The following PTPN22 variants were observed in gnomAD, a reference collection of about 807,000 sequenced individuals.
PTPN22 encodes protein tyrosine phosphatase non-receptor type 22, also known as tyrosine-protein phosphatase non-receptor type 22.
In PTPN22, 85 loss-of-function variants were observed where a neutral mutation model predicts 103.3. The observed-to-expected ratio is 0.82, with a 90% CI of 0.69 to 0.99. The LOEUF (loss-of-function observed/expected upper bound fraction) is 0.99, where lower values mean the gene tolerates loss of function less well. Ranked by LOEUF, PTPN22 falls within the 50% of genes least tolerant of loss-of-function variation. The pLI is 0.00. For synonymous variants in PTPN22, 323 were observed against 310.2 expected (o/e 1.04, Z -0.43); for missense variants, 865 against 936.9 (o/e 0.92, Z 1.00).
chr1:113,848,594 T>A (rs935820135), exon 11 of PTPN22: 1 of 1,613,672 alleles, frequency 6.2e-7, no homozygotes, highest in Non-Finnish European at 8.5e-7. Context: ...TAAATAGTTC[T>A]AATACAGCAT....
chr1:113,856,576 A>G, exon 6 of PTPN22: 2 of 1,614,216 alleles, frequency 1.2e-6, no homozygotes, highest in Non-Finnish European at 1.7e-6. Flanking sequence ...GCCAAATTCC[A>G]GCTGCATCTC....
At chr1:113,851,196 A>G (rs1664538231) in intron 10 of PTPN22, among the ~76,000 whole-genome samples, 1 of 150,682 alleles carries the variant, frequency 6.6e-6, no homozygotes, top group South Asian at 2.1e-4. Context: ...TCTGTTACCC[A>G]GGCTGGAGTG....
intron 11 of PTPN22, 40 bp downstream of exon 11, chr1:113,848,500 A>G (rs1474605391): frequency 2.5e-6 from 4 of 1,608,176 alleles, no homozygotes; most frequent in Non-Finnish European, 3.4e-6. Context: ...AAAAGCAAGT[A>G]TGAAAATTTT....
exon 11 of PTPN22, chr1:113,848,567 A>G (rs1283473462): frequency 3.1e-6 from 5 of 1,613,674 alleles, no homozygotes; most frequent in Non-Finnish European, 4.2e-6. Flanking sequence ...TATCTCTGAT[A>G]ACATCCATCT....
chr1:113,829,955 C>G (rs1349586101), exon 17 of PTPN22: 1 of 1,597,230 alleles, frequency 6.3e-7, no homozygotes, highest in Non-Finnish European at 8.6e-7. Context: ...TTACAATCTT[C>G]ATCGGCAAGA....
rs71090741 is a variant in PTPN22, at chr1:113,850,200, AGAAGGAAGGAAGGAAGGAAGGAAGGAAG to A, written c.829-1602_829-1575del. Among the ~76,000 whole-genome samples, 778 of 78,012 alleles carry A rather than the reference AGAAGGAAGGAAGGAAGGAAGGAAGGAAG, an allele frequency of 1.0e-2. 10 individuals are homozygous for A. The highest frequency in any genetic ancestry group is 0.035 in the African/African-American group (716 of 20,666). 51.2% of individuals were successfully genotyped at this position (78,012 alleles called of 152,430 possible). On this transcript the variant is annotated intron_variant, in intron 10 of 20. Transcript: ENST00000359785. ...TGACAGTGTGAAACTCCATCTCAAAAGAAGGAAGGAAGGAAGGAAGGAAGGAAGGAAGGAAGGAAGGAAGGAAGGAAGG... is the reference window on the plus strand; with the variant it reads ...TGACAGTGTGAAACTCCATCTCAAAAGAAGGAAGGAAGGAAGGAAGGAAGG...
chr1:113,844,562 C>G (rs1408324000), intron 11 of PTPN22, among the ~76,000 whole-genome samples: 1 of 152,166 alleles, frequency 6.6e-6, no homozygotes, highest in Non-Finnish European at 1.5e-5. Flanking sequence ...GGAGTGACAG[C>G]TTAGATTATT....
At chr1:113,863,154 G>A (rs1431540203) in intron 1 of PTPN22, among the ~76,000 whole-genome samples, 11 of 152,268 alleles carry the variant, frequency 7.2e-5, no homozygotes, top group East Asian at 3.9e-4. Context: ...GTTCAGTGGC[G>A]CAATCTTGGC....
Position 113,841,596 on chromosome 1 carries a change from C to CTT in PTPN22, c.916-2978_916-2977dup, listed in dbSNP as rs35197593. ...AAAACTCAACAACATGTAAACAACT[C>CTT]TTTTTTTTTTTTTTTTGGTGGAGGG... is the stretch of plus-strand genomic sequence containing the variant. On this transcript the variant is annotated intron_variant, in intron 11 of 20. Transcript: ENST00000359785. Among the ~76,000 whole-genome samples the CTT allele has an allele frequency of 7.7e-3, 1,070 of 138,562 alleles. 9 individuals are homozygous for CTT. The highest frequency in any genetic ancestry group is 0.01 in the African/African-American group (382 of 37,294). The allele number at this position is 138,562 out of a possible 152,430, so 90.9% of individuals were successfully genotyped here. A position where few individuals can be genotyped will look rare whatever the true frequency, so the allele number is the denominator to read the frequency against.
intron 18 of PTPN22, among the ~76,000 whole-genome samples, chr1:113,828,122 A>C (rs1428214343): frequency 6.6e-6 from 1 of 152,184 alleles, no homozygotes. Flanking sequence ...TGAATTTCTA[A>C]CAGTTCTTTA....
intron 11 of PTPN22, among the ~76,000 whole-genome samples, chr1:113,842,357 A>T (rs767169518): frequency 7.9e-5 from 12 of 152,148 alleles, no homozygotes; most frequent in Non-Finnish European, 1.6e-4. Context: ...ACCACTTCAC[A>T]CCTAATTAGG....
chr1:113,837,449 C>CAA (rs930687643), intron 13 of PTPN22, 141 bp downstream of exon 13: 179 of 469,292 alleles, frequency 3.8e-4, no homozygotes, highest in East Asian at 6.5e-4. Flanking sequence ...GACTCCATCT[C>CAA]AAAAAAAAAA....
chr1:113,862,359 G>A (rs913784001), intron 1 of PTPN22, among the ~76,000 whole-genome samples: 1 of 152,104 alleles, frequency 6.6e-6, no homozygotes, highest in Admixed American at 6.6e-5. Context: ...CCCTGAAATA[G>A]GGTGGAATGT....
rs538259627 is a variant in PTPN22, at chr1:113,864,158, G to A, written c.88-4698C>T. ...AAACAAAAAACTGAAATTGTGGTAA[G>A]TGCTATGAAAAATAACAAATGGTGC... On this transcript the variant is annotated intron_variant, in intron 1 of 20. Coordinates refer to ENST00000359785, the Ensembl canonical transcript of PTPN22. 44 of 399,886 alleles carry A rather than the reference G, an allele frequency of 1.1e-4. No individual in the cohort carries two copies. In the Middle Eastern group the frequency reaches 2.1e-3, roughly 19 times the overall value. The allele number at this position is 399,886 out of a possible 1,614,324, so 24.8% of individuals were successfully genotyped here.
rs774552779 is a variant in PTPN22 at position 113,848,645 on chromosome 1, C to T, written c.829-19G>A. ...ATTGTTCCTGAAGAGCATCACAACC[C>T]AGAACAAATGAAAACAAAAACAAAA... On this transcript the variant is annotated intron_variant, in intron 10 of 20. Transcript: ENST00000359785. 18 of 1,594,968 alleles carry T rather than the reference C, an allele frequency of 1.1e-5. No homozygotes were observed. Among genetic ancestry groups the T allele is most frequent in the African/African-American group, 2.7e-5 (2 of 73,694 alleles).
In PTPN22 at chr1:113,857,733, C is replaced by A; in HGVS notation, c.408+5G>T. The A allele has an allele frequency of 3.1e-6, 5 of 1,611,144 alleles. No homozygotes were observed. Among genetic ancestry groups the A allele is most frequent in the Non-Finnish European group, 3.4e-6 (4 of 1,178,072 alleles). ...AAGGTCAGCAGGTACTAGAAAGTAA[C>A]TTACCTTTCCCATTTCATACTCCAT... On this transcript the variant is annotated splice_donor_5th_base_variant and intron_variant, in intron 5 of 20. Transcript: ENST00000359785.
At chr1:113,838,953 T>G (rs1031699768) in intron 11 of PTPN22, among the ~76,000 whole-genome samples, 1 of 152,188 alleles carries the variant, frequency 6.6e-6, no homozygotes, top group Non-Finnish European at 1.5e-5. Context: ...ATCTCAGCCC[T>G]TTACAGGTAC....
exon 15 of PTPN22, chr1:113,834,318 T>C (rs779068856): frequency 8.1e-6 from 13 of 1,613,826 alleles, no homozygotes; most frequent in Non-Finnish European, 1.1e-5. Context: ...CCTTGCTTGG[T>C]CTAAGTATCA....
chr1:113,841,092 C>T (rs1347214255), intron 11 of PTPN22, among the ~76,000 whole-genome samples: 1 of 151,950 alleles, frequency 6.6e-6, no homozygotes, highest in Non-Finnish European at 1.5e-5. Context: ...GGCATGGTGG[C>T]GCATGCCTGT....
Sources: gnomAD v4.1 joint callset for allele counts (sites outside exome capture counted in the v4.1 genomes callset) on GRCh38, gnomAD v4.1.1 for gene constraint, MANE v1.5 for transcripts, NCBI Gene and HGNC (gene_info 2026-07-23, HGNC 2026-07-21) for gene names.